The following IL17RA variants were observed in gnomAD, a reference collection of about 807,000 sequenced individuals.
The protein encoded by IL17RA is interleukin-17 receptor A.
Under a neutral mutation model 50.4 loss-of-function variants are expected in IL17RA, and 34 were observed. The ratio of observed to expected loss-of-function variants is 0.67; its 90% confidence interval spans 0.51 to 0.90. IL17RA has a LOEUF of 0.90. IL17RA is among the 40% of genes least tolerant of loss of function. IL17RA has a pLI of 0.00. For missense variants in IL17RA, 1,276 were observed against 1,169.8 expected (o/e 1.09, Z -1.32); for synonymous variants, 585 against 510.4 (o/e 1.15, Z -1.97).
chr22:17,097,773 A>G (rs763797884), intron 2 of IL17RA, 24 bp from the exon 3 acceptor site: 5 of 1,613,928 alleles, frequency 3.1e-6, no homozygotes, highest in Non-Finnish European at 4.2e-6. Context: ...AAGTCTCTGA[A>G]TGTTGCTTTT....
Position 17,102,204 on chromosome 22 carries a change from AC to A in IL17RA, c.667del (p.Leu223CysfsTer12). 1 of 1,614,102 alleles carries A rather than the reference AC, an allele frequency of 6.2e-7. No homozygotes were observed. The highest frequency in any genetic ancestry group is 8.5e-7 in the Non-Finnish European group (1 of 1,180,014). On this transcript the variant is annotated frameshift_variant, in exon 7 of 13. Coordinates refer to ENST00000319363, the MANE Select transcript of IL17RA (RefSeq NM_014339.7). LOFTEE classifies it high-confidence loss of function. Reference sequence around the variant, plus strand: ...GGCCCACCAGCTGCGTGTGAGCTTCACCCTGTGGAACGAATCTACCCATTAC... The same window carrying A: ...GGCCCACCAGCTGCGTGTGAGCTTCACCTGTGGAACGAATCTACCCATTAC... ...LEAHQLRVSF[T>X]LWNESTHYQI... is the part of the protein sequence containing the mutation.
intron 5 of IL17RA, 29 bp downstream of exon 5, chr22:17,100,510 C>G (rs761796176): frequency 1.2e-5 from 20 of 1,612,464 alleles, no homozygotes; most frequent in Admixed American, 1.7e-5. Context: ...GACATTCCCT[C>G]CCCAATGGCC....
At chr22:17,104,424 G>A (rs2123805548) in intron 8 of IL17RA, among the ~76,000 whole-genome samples, 1 of 152,028 alleles carries the variant, frequency 6.6e-6, no homozygotes, top group African/African-American at 2.4e-5. Flanking sequence ...TGGGGAGCGT[G>A]CACAGTCTGG....
rs1220150798 is a variant in IL17RA, at chr22:17,109,384, A to G, written c.2165A>G (p.Asp722Gly). 33 of 1,612,132 alleles carry G rather than the reference A, an allele frequency of 2.0e-5. No individual in the cohort carries two copies. Among genetic ancestry groups the G allele is most frequent in the Non-Finnish European group, 2.8e-5 (33 of 1,179,824 alleles). ...GRNSVLFLPV[D>G]PEDSPLGSST... ...AATAGCGTCCTCTTCCTCCCCGTGGACCCCGAGGACTCGCCCCTTGGCAGC... is the reference window on the plus strand; with the variant it reads ...AATAGCGTCCTCTTCCTCCCCGTGGGCCCCGAGGACTCGCCCCTTGGCAGC... The change falls in exon 13 of 13, where the codon GAC becomes GGC. Residue 722 changes from aspartate to glycine, a missense_variant. Transcript: ENST00000319363.
At position 17,109,707 on chromosome 22, in the gene IL17RA, C is replaced by A; in HGVS notation, c.2488C>A (p.Pro830Thr). 6.3e-7 allele frequency: 1 copy of A among 1,590,822 alleles called. No homozygotes were observed. Among genetic ancestry groups the A allele is most frequent in the East Asian group, 2.3e-5 (1 of 44,076 alleles). Residue 830 changes from proline (P) to threonine (T), a missense_variant, in exon 13 of 13, where the codon CCC becomes ACC. Transcript: ENST00000319363. Reference sequence around the variant, plus strand: ...AGGGAAGCCGGCCCTGCCACTCTCTCCCGAGGACCTGGAGAGCCTGAGGAG... The same window carrying A: ...AGGGAAGCCGGCCCTGCCACTCTCTACCGAGGACCTGGAGAGCCTGAGGAG... ...DPGKPALPLS[P>T]EDLESLRSLQ...
Position 17,109,886 on chromosome 22 carries a change from C to G in IL17RA, c.*66C>G. 2 of 1,386,736 alleles carry G rather than the reference C, an allele frequency of 1.4e-6. No homozygotes were observed. The highest frequency in any genetic ancestry group is 1.2e-5 in the South Asian group (1 of 80,418). 85.9% of individuals were successfully genotyped at this position (1,386,736 alleles called of 1,614,324 possible). The stretch of plus-strand genomic sequence containing the variant: ...GAGGAGTGTGTGTGCACGTATTCAT[C>G]TGTGTGTACATGTCTGCATGTGTAT... On this transcript the variant is annotated 3_prime_UTR_variant, in exon 13 of 13. Transcript: ENST00000319363.
intron 12 of IL17RA, 133 bp from the exon 13 acceptor site, chr22:17,108,174 C>T (rs2061421722): frequency 1.2e-6 from 1 of 857,924 alleles, no homozygotes; most frequent in Admixed American, 2.4e-5. Flanking sequence ...TTCCAACAGG[C>T]CTCAGTTGGG....
At chr22:17,101,351 C>G (rs892066392) in intron 5 of IL17RA, among the ~76,000 whole-genome samples, 1 of 152,224 alleles carries the variant, frequency 6.6e-6, no homozygotes. Flanking sequence ...TGGGACCACC[C>G]TGCACACACG....
chr22:17,098,160 G>A (rs962783221), intron 3 of IL17RA, among the ~76,000 whole-genome samples: 1 of 152,142 alleles, frequency 6.6e-6, no homozygotes, highest in African/African-American at 2.4e-5. Flanking sequence ...CTTCATGAAA[G>A]GACTTCCTTC....
chr22:17,099,424 C>T (rs567927632), intron 4 of IL17RA, among the ~76,000 whole-genome samples: 58 of 152,000 alleles, frequency 3.8e-4, no homozygotes, highest in Non-Finnish European at 5.7e-4. Flanking sequence ...AAGTGTGGTC[C>T]GTAGACCAGC....
rs41525344 is a variant in IL17RA, at chr22:17,085,059, C to A, written c.-33C>A. The A allele has an allele frequency of 2.3e-6, 3 of 1,290,096 alleles. No homozygotes were observed. Among genetic ancestry groups the A allele is most frequent in the Admixed American group, 4.2e-5 (1 of 23,788 alleles). The allele number at this position is 1,290,096 out of a possible 1,614,324, so 79.9% of individuals were successfully genotyped here. ...AACGTTCGTTCGCTGCGTCCCCAGCCGGGGCCGAGCCCTCCGCGACGCCAG... is the reference window on the plus strand; with the variant it reads ...AACGTTCGTTCGCTGCGTCCCCAGCAGGGGCCGAGCCCTCCGCGACGCCAG... On this transcript the variant is annotated 5_prime_UTR_variant, in exon 1 of 13. Coordinates refer to ENST00000319363, the MANE Select transcript of IL17RA (RefSeq NM_014339.7).
chr22:17,095,978 C>T (rs1338105127), intron 1 of IL17RA, among the ~76,000 whole-genome samples: 6 of 152,108 alleles, frequency 3.9e-5, no homozygotes, highest in African/African-American at 1.2e-4. Context: ...CTCTCTGTTC[C>T]CTCTCAAGAG....
rs1172016907 is a variant in IL17RA at position 17,085,152 on chromosome 22, CT to C, written c.62del (p.Leu21ArgfsTer28). 2 of 1,513,534 alleles carry C rather than the reference CT, an allele frequency of 1.3e-6. No homozygotes were observed. Among genetic ancestry groups the C allele is most frequent in the African/African-American group, 2.9e-5 (2 of 70,026 alleles). 93.8% of individuals were successfully genotyped at this position (1,513,534 alleles called of 1,614,324 possible). On this transcript the variant is annotated frameshift_variant, in exon 1 of 13. Coordinates refer to ENST00000319363, the MANE Select transcript of IL17RA (RefSeq NM_014339.7). LOFTEE classifies it high-confidence loss of function. ...VPGPLLGLLL[L>X]LLGVLAPGGA... ...GGGGCCCCTGCTGGGGCTGCTCCTG[CT>C]GCTCCTGGGCGTGCTGGCCCCGGGT...
chr22:17,109,775 G>T lies in IL17RA; in HGVS notation c.2556G>T (p.Ser852=), dbSNP rs753701908. ...TTTTCCGCCAGCTGCAGAAGAACTC[G>T]GGCTGGGACACGATGGGGTCAGAGT... The part of the protein sequence containing the change: ...QLLFRQLQKN[S]GWDTMGSESE... Residue 852 remains serine, a synonymous_variant, in exon 13 of 13, where the codon TCG becomes TCT. Coordinates refer to ENST00000319363, the MANE Select transcript of IL17RA (RefSeq NM_014339.7). The T allele has an allele frequency of 6.4e-7, 1 of 1,552,152 alleles. No individual in the cohort carries two copies. The highest frequency in any genetic ancestry group is 8.7e-7 in the Non-Finnish European group (1 of 1,148,100).
rs1330723939 is a variant in IL17RA, at chr22:17,097,819, G to A, written c.186G>A (p.Trp62Ter). The A allele has an allele frequency of 6.2e-7, 1 of 1,614,074 alleles. No homozygotes were observed. The highest frequency in any genetic ancestry group is 8.5e-7 in the Non-Finnish European group (1 of 1,180,050). Residue 62 changes from tryptophan (W) to a stop codon, truncating the protein, a stop_gained, in exon 3 of 13, where the codon TGG (tryptophan) becomes TGA (stop). Coordinates refer to ENST00000319363, the MANE Select transcript of IL17RA (RefSeq NM_014339.7). LOFTEE classifies it high-confidence loss of function. ...VKNSTCLDDS[W>*]IHPRNLTPSS... ...CAGGTACCTGCCTGGATGACAGCTG[G>A]ATTCACCCTCGAAACCTGACCCCCT...
chr22:17,100,480 T>C lies in IL17RA; in HGVS notation c.549T>C (p.Pro183=). ...PNHQSKNFLV[P]DCEHARMKVT... ...ACCAGTCCAAGAATTTCCTTGTGCC[T>C]GGTAAGAGCATCCTCCCAAGACATT... The change falls in exon 5 of 13, where the codon CCT becomes CCC. Residue 183 remains proline, a splice_region_variant and synonymous_variant. Transcript: ENST00000319363. 6.2e-7 allele frequency: 1 copy of C among 1,614,064 alleles called. No homozygotes were observed. Among genetic ancestry groups the C allele is most frequent in the Non-Finnish European group, 8.5e-7 (1 of 1,180,020 alleles).
Position 17,108,956 on chromosome 22 carries a change from C to A in IL17RA, c.1737C>A (p.Val579=), listed in dbSNP as rs1489582773. 2 of 1,607,046 alleles carry A rather than the reference C, an allele frequency of 1.2e-6. No individual in the cohort carries two copies. The highest frequency in any genetic ancestry group is 1.7e-6 in the Non-Finnish European group (2 of 1,178,694). The change falls in exon 13 of 13, where the codon GTC becomes GTA. Residue 579 remains valine (V), a synonymous_variant. Coordinates refer to ENST00000319363, the MANE Select transcript of IL17RA (RefSeq NM_014339.7). ...TGGACAGGTTCCGGGACTGGCAGGT[C>A]CGCTGTCCCGACTGGTTCGAATGTG... The part of the protein sequence containing the change: ...AALDRFRDWQ[V]RCPDWFECEN...
Position 17,094,668 on chromosome 22 carries a change from T to TCTCTCTCTCTCTCC in IL17RA, c.139-2381_139-2380insCCTCTCTCTCTCTC, listed in dbSNP as rs1555873338. On this transcript the variant is annotated intron_variant, in intron 1 of 12. Coordinates refer to ENST00000319363, the MANE Select transcript of IL17RA (RefSeq NM_014339.7). ...TAGTCATACACACACTCTCTCTCTC[T>TCTCTCTCTCTCTCC]CTCTCTCTCTCTCTCTCTCTCTCTA... 8.7e-5 allele frequency among the ~76,000 whole-genome samples: 3 copies of TCTCTCTCTCTCTCC among 34,398 alleles called. No homozygotes were observed. In the East Asian group the frequency reaches 1.5e-3, roughly 18 times the overall value. 22.6% of individuals were successfully genotyped at this position (34,398 alleles called of 152,430 possible).
At position 17,098,880 on chromosome 22, in the gene IL17RA, A is replaced by C; in HGVS notation, c.416A>C (p.His139Pro). Residue 139 changes from histidine to proline, a missense_variant, in exon 4 of 13, where the codon CAC (histidine) becomes CCC (proline). Coordinates refer to ENST00000319363, the MANE Select transcript of IL17RA (RefSeq NM_014339.7). Reference sequence around the variant, plus strand: ...TTTCTGTCCAAACTGAGGCATCACCACAGGCGGGTAAGAACACAGCTCCTG... The same window carrying C: ...TTTCTGTCCAAACTGAGGCATCACCCCAGGCGGGTAAGAACACAGCTCCTG... ...FEFLSKLRHH[H>P]RRWRFTFSHF... The C allele has an allele frequency of 6.2e-7, 1 of 1,613,700 alleles. No individual in the cohort carries two copies. Among genetic ancestry groups the C allele is most frequent in the Non-Finnish European group, 8.5e-7 (1 of 1,179,560 alleles).
Sources: gnomAD v4.1 joint callset for allele counts (sites outside exome capture counted in the v4.1 genomes callset) on GRCh38, gnomAD v4.1.1 for gene constraint, MANE v1.5 for transcripts, NCBI Gene and HGNC (gene_info 2026-07-23, HGNC 2026-07-21) for gene names.